Variants in NRXN1 observed in about 807,000 individuals in gnomAD.
The protein encoded by NRXN1 is neurexin 1.
In NRXN1, 39 loss-of-function variants were observed where a neutral mutation model predicts 150.9. That is an observed-to-expected ratio of 0.26 (90% CI 0.20 to 0.34). The LOEUF is 0.34. Among genes scored for constraint, NRXN1 ranks in the 10% least tolerant of loss-of-function variants. The pLI is 1.00. For missense variants in NRXN1, 1,815 were observed against 1,949.9 expected (o/e 0.93, Z 1.30); for synonymous variants, 924 against 757.0 (o/e 1.22, Z -3.62).
In NRXN1 at chr2:50,129,357, A is replaced by AAG. The variant is rs376724081; in HGVS notation, c.3547-37865_3547-37864dup. Among the ~76,000 whole-genome samples, 533 of 152,346 alleles carry AAG rather than the reference A, an allele frequency of 3.5e-3. 4 individuals carry two copies. Among genetic ancestry groups the AAG allele is most frequent in the African/African-American group, 0.012 (504 of 41,584 alleles). ...CACTGAAATTGGACATAATTTAGTG[A>AAG]AGCAAGATGCTGAGAAGTCTACTGC... On this transcript the variant is annotated intron_variant, in intron 18 of 22. Transcript: ENST00000401669.
intron 2 of NRXN1, among the ~76,000 whole-genome samples, chr2:50,950,334 A>T (rs1253881154): frequency 6.6e-6 from 1 of 152,192 alleles, no homozygotes; most frequent in Admixed American, 6.5e-5. Flanking sequence ...GTCAAATTAT[A>T]TATCTAGTTA....
chr2:50,916,644 A>AT (rs1321683092), intron 5 of NRXN1, among the ~76,000 whole-genome samples: 1 of 151,590 alleles, frequency 6.6e-6, no homozygotes, highest in Non-Finnish European at 1.5e-5. Context: ...ATACCACCTC[A>AT]TTTTTTAAAC....
intron 21 of NRXN1, among the ~76,000 whole-genome samples, chr2:50,040,972 C>T (rs187089477): frequency 9.8e-4 from 149 of 152,082 alleles, no homozygotes; most frequent in African/African-American, 2.9e-3. Context: ...CCCATTAACT[C>T]GTCATTTACA....
At chr2:50,534,130 T>TATACACACAC (rs2093193030) in intron 10 of NRXN1, among the ~76,000 whole-genome samples, 1 of 138,530 alleles carries the variant, frequency 7.2e-6, no homozygotes, top group Non-Finnish European at 1.6e-5. Context: ...CACACACACA[T>TATACACACAC]ACACACACAG....
intron 5 of NRXN1, among the ~76,000 whole-genome samples, chr2:50,639,707 C>A (rs1368995059): frequency 6.6e-6 from 1 of 151,894 alleles, no homozygotes; most frequent in African/African-American, 2.4e-5. Flanking sequence ...TAAAATTATA[C>A]CTTCATAACT....
rs894555682 is a variant in NRXN1 at position 49,922,398 on chromosome 2, C to T, written c.4217-147G>A. The T allele has an allele frequency of 2.8e-5, 23 of 818,134 alleles. 1 individual carries two copies. Among genetic ancestry groups the T allele is most frequent in the Middle Eastern group, 3.6e-4 (1 of 2,796 alleles). 50.7% of individuals were successfully genotyped at this position (818,134 alleles called of 1,614,324 possible). On this transcript the variant is annotated intron_variant, in intron 22 of 22. Coordinates refer to ENST00000401669, the MANE Select transcript of NRXN1 (RefSeq NM_001330078.2). The stretch of plus-strand genomic sequence containing the variant: ...TTGATAAATGTAGCCATCCCTTTGC[C>T]TCATGGTTACTAAAAACTAGGGACT...
intron 17 of NRXN1, among the ~76,000 whole-genome samples, chr2:50,237,894 C>T (rs114317266): frequency 0.028 from 4,325 of 151,912 alleles, 99 homozygotes; most frequent in Non-Finnish European, 0.044. Flanking sequence ...GTGGCTTTGC[C>T]CATGCTGTTC....
At chr2:50,873,751 T>C (rs896945549) in intron 5 of NRXN1, among the ~76,000 whole-genome samples, 2 of 151,866 alleles carry the variant, frequency 1.3e-5, no homozygotes, top group African/African-American at 2.4e-5. Flanking sequence ...AAATTCCATA[T>C]TGTACATTGA....
chr2:50,689,854 T>TTG lies in NRXN1; in HGVS notation c.833-66241_833-66240dup, dbSNP rs796892350. Among the ~76,000 whole-genome samples, 31,965 of 135,050 alleles carry TTG rather than the reference T, an allele frequency of 0.24. 3,913 individuals carry two copies. Among genetic ancestry groups the TTG allele is most frequent in the Non-Finnish European group, 0.3 (18,840 of 62,988 alleles). 88.6% of individuals were successfully genotyped at this position (135,050 alleles called of 152,430 possible). On this transcript the variant is annotated intron_variant, in intron 5 of 22. Coordinates refer to ENST00000401669, the MANE Select transcript of NRXN1 (RefSeq NM_001330078.2). ...CATCAGCTTGTTTTTTTTTGCTTAT[T>TTG]TGTGTGTGTGTGTGTGTGTGTGTGT... is the stretch of plus-strand genomic sequence containing the variant.
chr2:50,306,628 A>AT (rs971491792), intron 17 of NRXN1, among the ~76,000 whole-genome samples: 8 of 152,130 alleles, frequency 5.3e-5, no homozygotes, highest in South Asian at 2.1e-4. Context: ...AAACATTTAC[A>AT]TTTTTTTATA....
chr2:50,188,357 T>G (rs1030725069), intron 18 of NRXN1, among the ~76,000 whole-genome samples: 1 of 152,096 alleles, frequency 6.6e-6, no homozygotes, highest in East Asian at 1.9e-4. Flanking sequence ...CCTTATACCT[T>G]ATACAAAAAT....
At chr2:50,568,772 T>C (rs1210008627) in intron 8 of NRXN1, among the ~76,000 whole-genome samples, 1 of 152,034 alleles carries the variant, frequency 6.6e-6, no homozygotes, top group Non-Finnish European at 1.5e-5. Flanking sequence ...TACCATATGA[T>C]CCAGCAACCC....
At chr2:50,785,391 G>A (rs1315542959) in intron 5 of NRXN1, among the ~76,000 whole-genome samples, 2 of 151,842 alleles carry the variant, frequency 1.3e-5, no homozygotes, top group Non-Finnish European at 2.9e-5. Flanking sequence ...TGGGACTACA[G>A]GCACCTGCCA....
At chr2:50,477,366 C>T (rs903495826) in intron 15 of NRXN1, among the ~76,000 whole-genome samples, 1 of 152,128 alleles carries the variant, frequency 6.6e-6, no homozygotes, top group Non-Finnish European at 1.5e-5. Context: ...TTGCATTTAA[C>T]GTCATGTATG....
chr2:50,950,877 C>T (rs960372800), intron 2 of NRXN1, among the ~76,000 whole-genome samples: 1 of 152,234 alleles, frequency 6.6e-6, no homozygotes, highest in East Asian at 1.9e-4. Flanking sequence ...AACAGAGTCT[C>T]AGAAATATTA....
intron 15 of NRXN1, among the ~76,000 whole-genome samples, chr2:50,493,048 C>T (rs1207838882): frequency 1.3e-5 from 2 of 152,202 alleles, no homozygotes; most frequent in East Asian, 3.9e-4. Context: ...GTTGGCTGAC[C>T]TTCTTTTGAG....
chr2:50,063,591 T>G (rs1179455029), intron 19 of NRXN1, among the ~76,000 whole-genome samples: 1 of 105,708 alleles, frequency 9.5e-6, no homozygotes, highest in African/African-American at 4.2e-5. Context: ...CACACACATC[T>G]AAGGCTGGCT....
At chr2:50,120,029 G>A (rs896379198) in intron 18 of NRXN1, among the ~76,000 whole-genome samples, 2 of 152,112 alleles carry the variant, frequency 1.3e-5, no homozygotes, top group African/African-American at 4.8e-5. Context: ...TTCAGCAAAT[G>A]TTCTGCTTGG....
At chr2:50,403,139 A>T (rs568018334) in intron 17 of NRXN1, among the ~76,000 whole-genome samples, 1 of 152,124 alleles carries the variant, frequency 6.6e-6, no homozygotes, top group Admixed American at 6.6e-5. Context: ...CCAAGGACTT[A>T]CTTGGGTACC....
Sources: gnomAD v4.1 joint callset for allele counts (sites outside exome capture counted in the v4.1 genomes callset) on GRCh38, gnomAD v4.1.1 for gene constraint, MANE v1.5 for transcripts, NCBI Gene and HGNC (gene_info 2026-07-23, HGNC 2026-07-21) for gene names.